TAS2R1: variants seen among roughly 807,000 people sequenced by gnomAD.
TAS2R1 encodes taste receptor type 2 member 1.
For missense variants in TAS2R1, 370 were observed against 353.4 expected (o/e 1.05, Z -0.38); for synonymous variants, 141 against 134.2 (o/e 1.05, Z -0.35).
At chr5:9,636,064 A>T (rs1241425890) in intron 2 of TAS2R1, among the ~76,000 whole-genome samples, 1 of 151,968 alleles carries the variant, frequency 6.6e-6, no homozygotes, top group Non-Finnish European at 1.5e-5. Flanking sequence ...TTTCTGATGT[A>T]GGTATTTAAT....
At chr5:9,831,099 A>T in the TAS2R1 span, among the ~76,000 whole-genome samples, 1 of 152,226 alleles carries the variant, frequency 6.6e-6, no homozygotes, top group Non-Finnish European at 1.5e-5. Context: ...AAGAAGAAGG[A>T]AATCTCACTA....
chr5:9,721,185 T>G, the TAS2R1 span, among the ~76,000 whole-genome samples: 100 of 152,342 alleles, frequency 6.6e-4, no homozygotes, highest in African/African-American at 2.3e-3. Flanking sequence ...ATAGTCTATC[T>G]TTGAGGGTTC....
chr5:9,676,173 C>G (rs1308670227), intron 1 of TAS2R1, among the ~76,000 whole-genome samples: 2 of 152,030 alleles, frequency 1.3e-5, no homozygotes, highest in Non-Finnish European at 2.9e-5. Context: ...ATACATTGAA[C>G]CATCTTTAAA....
At chr5:9,795,679 T>A in the TAS2R1 span, among the ~76,000 whole-genome samples, 1 of 151,908 alleles carries the variant, frequency 6.6e-6, no homozygotes, top group Non-Finnish European at 1.5e-5. Flanking sequence ...GCTGAAGAAG[T>A]TTTTCAAGTT....
the TAS2R1 span, among the ~76,000 whole-genome samples, chr5:9,767,923 C>CAAA: frequency 0.053 from 5,048 of 95,962 alleles, 310 homozygotes; most frequent in African/African-American, 0.098. Flanking sequence ...GACTCCGTCT[C>CAAA]AAAAAAAAAA....
chr5:9,684,454 A>G (rs1485808370), intron 1 of TAS2R1, among the ~76,000 whole-genome samples: 1 of 152,254 alleles, frequency 6.6e-6, no homozygotes, highest in East Asian at 1.9e-4. Flanking sequence ...TTACAGCTAC[A>G]TAGGAGGAAT....
the TAS2R1 span, among the ~76,000 whole-genome samples, chr5:9,861,416 G>A: frequency 0.02 from 3,002 of 152,254 alleles, 90 homozygotes; most frequent in African/African-American, 0.067. Flanking sequence ...TCATTGACAG[G>A]CAATTAATTG....
the TAS2R1 span, among the ~76,000 whole-genome samples, chr5:9,775,044 G>A: frequency 9.8e-5 from 15 of 152,346 alleles, no homozygotes; most frequent in Non-Finnish European, 1.3e-4. Context: ...GTCTCAGGCA[G>A]GTCCAGAGAT....
chr5:9,809,967 G>A, the TAS2R1 span, among the ~76,000 whole-genome samples: 1 of 152,130 alleles, frequency 6.6e-6, no homozygotes. Flanking sequence ...GGCTGATTGT[G>A]GTCATCAACT....
the TAS2R1 span, among the ~76,000 whole-genome samples, chr5:9,734,838 T>C: frequency 9.2e-5 from 14 of 151,356 alleles, 2 homozygotes; most frequent in African/African-American, 1.5e-4. Flanking sequence ...TCCAAAATAA[T>C]AAATTATATA....
intron 2 of TAS2R1, among the ~76,000 whole-genome samples, chr5:9,639,304 G>A (rs571808521): frequency 5.9e-5 from 9 of 152,222 alleles, no homozygotes; most frequent in Admixed American, 2.0e-4. Context: ...GGTACTACCC[G>A]CTGCTACTTC....
the TAS2R1 span, chr5:9,854,355 C>T: frequency 1.8e-4 from 28 of 152,160 alleles, 1 homozygote; most frequent in East Asian, 3.9e-3. Context: ...TCTACAACAA[C>T]CTAATTTCCA....
chr5:9,671,338 G>A (rs145831146), intron 1 of TAS2R1, among the ~76,000 whole-genome samples: 233 of 152,256 alleles, frequency 1.5e-3, no homozygotes, highest in African/African-American at 5.3e-3. Flanking sequence ...AATAGGAAGA[G>A]AGGAAGTCAA....
chr5:9,796,333 C>A, the TAS2R1 span, among the ~76,000 whole-genome samples: 821 of 152,266 alleles, frequency 5.4e-3, 11 homozygotes, highest in African/African-American at 0.019. Context: ...AGGCACCAGC[C>A]CTAGCAGAAA....
chr5:9,701,672 T>C (rs1183671896), intron 1 of TAS2R1, among the ~76,000 whole-genome samples: 3 of 152,270 alleles, frequency 2.0e-5, no homozygotes, highest in Non-Finnish European at 4.4e-5. Context: ...TGACTGCAAA[T>C]ACTTTTGTAA....
the TAS2R1 span, among the ~76,000 whole-genome samples, chr5:9,737,658 G>T: frequency 2.6e-5 from 4 of 152,168 alleles, no homozygotes; most frequent in Non-Finnish European, 5.9e-5. Flanking sequence ...CTTCCAAGTG[G>T]CAGTGTGGAC....
chr5:9,710,925 ATATATATAATATAT>A (rs1741720873), intron 1 of TAS2R1, among the ~76,000 whole-genome samples: 2 of 145,486 alleles, frequency 1.4e-5, no homozygotes, highest in South Asian at 2.1e-4. Context: ...TATATATATT[ATATATATAATATAT>A]TATATATAAT....
the TAS2R1 span, among the ~76,000 whole-genome samples, chr5:9,863,654 G>C: frequency 6.6e-6 from 1 of 152,202 alleles, no homozygotes; most frequent in Admixed American, 6.5e-5. Context: ...ACTCACATTA[G>C]ATTGCTCTCT....
At chr5:9,662,805 TTTG>T (rs1243769420) in intron 1 of TAS2R1, among the ~76,000 whole-genome samples, 1 of 152,182 alleles carries the variant, frequency 6.6e-6, no homozygotes, top group Non-Finnish European at 1.5e-5. Flanking sequence ...CGTAAGAAAT[TTTG>T]TTAAGAATAC....
Sources: allele counts gnomAD v4.1 joint callset (sites outside exome capture counted in the v4.1 genomes callset), GRCh38; gene constraint gnomAD v4.1.1; transcripts MANE v1.5; gene names NCBI Gene and HGNC (gene_info 2026-07-23, HGNC 2026-07-21).